Variants in GRIK2 observed in about 807,000 individuals in gnomAD.
The protein encoded by GRIK2 is glutamate ionotropic receptor kainate type subunit 2.
Under a neutral mutation model 100.3 loss-of-function variants are expected in GRIK2, and 32 were observed. That is an observed-to-expected ratio of 0.32 (90% CI 0.24 to 0.43). The LOEUF is 0.43. GRIK2 is among the 20% of genes least tolerant of loss of function. The pLI is 1.00. For synonymous variants in GRIK2, 417 were observed against 389.4 expected (o/e 1.07, Z -0.83); for missense variants, 843 against 1,114.9 (o/e 0.76, Z 3.47).
At chr6:101,540,533 C>T (rs751128689) in intron 2 of GRIK2, among the ~76,000 whole-genome samples, 5 of 151,630 alleles carry the variant, frequency 3.3e-5, no homozygotes, top group Non-Finnish European at 7.4e-5. Context: ...TGTGTATCCA[C>T]AAAAATGAAA....
In GRIK2 at chr6:101,978,720, A is replaced by G. The variant is rs561907995; in HGVS notation, c.2085+50088A>G. Among the ~76,000 whole-genome samples, 4 of 152,156 alleles carry G rather than the reference A, an allele frequency of 2.6e-5. No individual in the cohort carries two copies. In the South Asian group the frequency reaches 8.3e-4, roughly 32 times the overall value. On this transcript the variant is annotated intron_variant, in intron 14 of 16. Coordinates refer to ENST00000369134, the MANE Select transcript of GRIK2 (RefSeq NM_021956.5). Reference sequence around the variant, plus strand: ...ATTAAACAATGTCAGTGGGTTATAAATAATAATTGGCTCACTTTTATAAAA... The same window carrying G: ...ATTAAACAATGTCAGTGGGTTATAAGTAATAATTGGCTCACTTTTATAAAA...
At chr6:101,481,069 C>A (rs1007616814) in intron 2 of GRIK2, among the ~76,000 whole-genome samples, 1 of 152,134 alleles carries the variant, frequency 6.6e-6, no homozygotes, top group African/African-American at 2.4e-5. Context: ...GTGGTCCTGA[C>A]TGATTTTACT....
intron 14 of GRIK2, among the ~76,000 whole-genome samples, chr6:102,010,066 C>T (rs1302679211): frequency 6.6e-6 from 1 of 151,902 alleles, no homozygotes; most frequent in Non-Finnish European, 1.5e-5. Context: ...CAATATTGAA[C>T]AGAAAGTAGA....
intron 14 of GRIK2, among the ~76,000 whole-genome samples, chr6:101,951,114 G>A (rs955962035): frequency 1.3e-5 from 2 of 152,280 alleles, no homozygotes; most frequent in Admixed American, 6.5e-5. Context: ...TGTTAGTAGA[G>A]AAATCATTGA....
At chr6:101,644,032 T>C (rs1003475357) in intron 4 of GRIK2, among the ~76,000 whole-genome samples, 9 of 151,874 alleles carry the variant, frequency 5.9e-5, no homozygotes, top group Middle Eastern at 6.8e-3. Flanking sequence ...ATTTTTTCTT[T>C]ATAAACTTTA....
At chr6:101,480,476 A>T (rs1030520920) in intron 2 of GRIK2, among the ~76,000 whole-genome samples, 5 of 151,956 alleles carry the variant, frequency 3.3e-5, no homozygotes, top group African/African-American at 1.2e-4. Flanking sequence ...TCATTTTTCT[A>T]CTACAAAGGA....
chr6:101,866,385 T>G (rs1785053576), intron 11 of GRIK2, among the ~76,000 whole-genome samples: 2 of 152,176 alleles, frequency 1.3e-5, no homozygotes, highest in Admixed American at 1.3e-4. Context: ...TAATATATGC[T>G]TATTTCACAT....
At chr6:101,895,729 A>G (rs1184528498) in intron 12 of GRIK2, among the ~76,000 whole-genome samples, 1 of 151,752 alleles carries the variant, frequency 6.6e-6, no homozygotes, top group Non-Finnish European at 1.5e-5. Flanking sequence ...AACGATTTCA[A>G]TTTTAACTTT....
intron 12 of GRIK2, among the ~76,000 whole-genome samples, chr6:101,914,437 T>C (rs1788962549): frequency 6.6e-6 from 1 of 151,496 alleles, no homozygotes; most frequent in Non-Finnish European, 1.5e-5. Flanking sequence ...TTCAGCTATA[T>C]AGATATTCTA....
At chr6:101,633,691 C>G (rs1320384990) in intron 4 of GRIK2, among the ~76,000 whole-genome samples, 1 of 152,040 alleles carries the variant, frequency 6.6e-6, no homozygotes, top group Non-Finnish European at 1.5e-5. Context: ...AGATTTTTTG[C>G]TATCAAGTTA....
chr6:101,572,221 C>T (rs1777573388), intron 2 of GRIK2, among the ~76,000 whole-genome samples: 1 of 152,088 alleles, frequency 6.6e-6, no homozygotes, highest in Non-Finnish European at 1.5e-5. Flanking sequence ...CAAATTATCA[C>T]AATATTTGGT....
intron 2 of GRIK2, among the ~76,000 whole-genome samples, chr6:101,416,637 T>A (rs1776151884): frequency 6.6e-6 from 1 of 152,202 alleles, no homozygotes; most frequent in South Asian, 2.1e-4. Context: ...GGATAATTCC[T>A]CAGGGTTTGT....
chr6:101,432,052 C>T (rs56245206), intron 2 of GRIK2, among the ~76,000 whole-genome samples: 6,137 of 152,206 alleles, frequency 0.04, 232 homozygotes, highest in South Asian at 0.12. Context: ...AATACTCTTG[C>T]GCATAATTAA....
chr6:101,621,635 C>G (rs530484178), intron 2 of GRIK2, among the ~76,000 whole-genome samples: 16 of 151,728 alleles, frequency 1.1e-4, no homozygotes, highest in South Asian at 6.3e-4. Flanking sequence ...ATACCTAGGC[C>G]CTAAAATAAG....
intron 2 of GRIK2, among the ~76,000 whole-genome samples, chr6:101,407,117 G>T (rs1276284950): frequency 6.6e-6 from 1 of 151,986 alleles, no homozygotes; most frequent in African/African-American, 2.4e-5. Flanking sequence ...TAGCTATTTG[G>T]TCTATTTTAT....
intron 14 of GRIK2, among the ~76,000 whole-genome samples, chr6:101,930,360 T>G (rs1349659527): frequency 9.8e-6 from 1 of 102,000 alleles, no homozygotes; most frequent in African/African-American, 3.9e-5. Context: ...AAAAATAAAA[T>G]AAAATAAAAT....
chr6:101,546,655 T>C (rs984545444), intron 2 of GRIK2, among the ~76,000 whole-genome samples: 5 of 152,022 alleles, frequency 3.3e-5, no homozygotes, highest in African/African-American at 7.2e-5. Flanking sequence ...TTAAAGAATA[T>C]AGAACAATGC....
intron 12 of GRIK2, among the ~76,000 whole-genome samples, chr6:101,900,274 G>T (rs1787754681): frequency 6.6e-6 from 1 of 152,038 alleles, no homozygotes; most frequent in Non-Finnish European, 1.5e-5. Context: ...AGACCAGCCT[G>T]ACCAACATAG....
rs557874856 is a variant in GRIK2, at chr6:101,995,183, A to G, written c.2086-40158A>G. Among the ~76,000 whole-genome samples the G allele has an allele frequency of 5.2e-4, 79 of 152,098 alleles. 1 individual carries two copies. The highest frequency in any genetic ancestry group is 1.9e-3 in the African/African-American group (77 of 41,562). On this transcript the variant is annotated intron_variant, in intron 14 of 16. Coordinates refer to ENST00000369134, the MANE Select transcript of GRIK2 (RefSeq NM_021956.5). Reference sequence around the variant, plus strand: ...ATGCCAGCCATCACATGAGATGAGAACAGAGAGTAACTTGCTTGATGGAAA... The same window carrying G: ...ATGCCAGCCATCACATGAGATGAGAGCAGAGAGTAACTTGCTTGATGGAAA...
Sources: allele counts gnomAD v4.1 joint callset (sites outside exome capture counted in the v4.1 genomes callset), GRCh38; gene constraint gnomAD v4.1.1; transcripts MANE v1.5; gene names NCBI Gene and HGNC (gene_info 2026-07-23, HGNC 2026-07-21).